Variants in KPNA6 observed in about 807,000 individuals in gnomAD.
The protein encoded by KPNA6 is karyopherin subunit alpha 6.
Under a neutral mutation model 72.0 loss-of-function variants are expected in KPNA6, and 9 were observed. The ratio of observed to expected loss-of-function variants is 0.13; its 90% confidence interval spans 0.08 to 0.22. The LOEUF is 0.22. KPNA6 is among the 10% of genes least tolerant of loss of function. The probability of loss-of-function intolerance (pLI) is 1.00; values close to 1 mark genes in which losing one functional copy is unlikely to be tolerated. For synonymous variants in KPNA6, 219 were observed against 242.1 expected (o/e 0.90, Z 0.89); for missense variants, 374 against 655.7 (o/e 0.57, Z 4.69).
chr1:32,143,807 A>T (rs1207870348), intron 1 of KPNA6, among the ~76,000 whole-genome samples: 1 of 151,920 alleles, frequency 6.6e-6, no homozygotes, highest in East Asian at 1.9e-4. Flanking sequence ...CTACTTTCTG[A>T]GTTTGACTCT....
chr1:32,167,295 A>C lies in KPNA6; in HGVS notation c.1243A>C (p.Arg415=). 6.2e-7 allele frequency: 1 copy of C among 1,614,058 alleles called. No homozygotes were observed. The highest frequency in any genetic ancestry group is 1.1e-5 in the South Asian group (1 of 91,078). ...ATSGGTPEQI[R]YLVSLGCIKP... Reference sequence around the variant, plus strand: ...ATCAGGAGGAACCCCTGAGCAGATCAGGTATTACATTCCTTTCCCGTTGTC... The same window carrying C: ...ATCAGGAGGAACCCCTGAGCAGATCCGGTATTACATTCCTTTCCCGTTGTC... Residue 415 remains arginine (R), a splice_region_variant and synonymous_variant, in exon 12 of 14, where the codon AGG becomes CGG. Coordinates refer to ENST00000373625, the MANE Select transcript of KPNA6 (RefSeq NM_012316.5).
At position 32,169,613 on chromosome 1, in the gene KPNA6, AT is replaced by A. The variant is rs77371621; in HGVS notation, c.1245-253del. ...AGGTGCCCGCCACCACACCTGGCCA[AT>A]TTTTTTTTTTTTTTTGTATTTTTTT... On this transcript the variant is annotated intron_variant, in intron 12 of 13. Coordinates refer to ENST00000373625, the MANE Select transcript of KPNA6 (RefSeq NM_012316.5). Among the ~76,000 whole-genome samples the A allele has an allele frequency of 9.0e-3, 1,164 of 129,674 alleles. 14 individuals carry two copies. Among genetic ancestry groups the A allele is most frequent in the Middle Eastern group, 0.036 (9 of 248 alleles). 85.1% of individuals were successfully genotyped at this position (129,674 alleles called of 152,430 possible). A position where few individuals can be genotyped will look rare whatever the true frequency, so the allele number is the denominator to read the frequency against.
intron 1 of KPNA6, chr1:32,142,883 A>C (rs1056725005): frequency 8.3e-7 from 1 of 1,199,224 alleles, no homozygotes; most frequent in East Asian, 5.9e-5. Context: ...GTCATAAGCA[A>C]ATATTTGTGA....
At chr1:32,169,755 C>T (rs372335439) in intron 12 of KPNA6, 127 bp from the exon 13 acceptor site, 51 of 819,172 alleles carry the variant, frequency 6.2e-5, no homozygotes, top group Admixed American at 1.8e-4. Flanking sequence ...CCACCGCGCT[C>T]GGCCTCACAA....
Position 32,159,415 on chromosome 1 carries a change from G to T in KPNA6, c.442G>T (p.Ala148Ser). ...TCACTTTCAGTTTGAAGCTGCCTGG[G>T]CTCTAACGAATATTGCCTCTGGAAC... ...NCTLQFEAAW[A>S]LTNIASGTSQ... Residue 148 changes from alanine to serine, a missense_variant, in exon 6 of 14, where the codon GCT (alanine) becomes TCT (serine). Ala to Ser is a moderately conservative substitution (Grantham distance 99, BLOSUM62 1). Around this residue, in one of 3 missense-constraint regions of KPNA6, gnomAD observed 298 missense variants for 495.4 expected, o/e 0.60. Transcript: ENST00000373625. The T allele has an allele frequency of 6.2e-7, 1 of 1,613,906 alleles. No individual in the cohort carries two copies. The highest frequency in any genetic ancestry group is 8.5e-7 in the Non-Finnish European group (1 of 1,179,940).
At chr1:32,111,571 G>C (rs1641243836) in intron 1 of KPNA6, among the ~76,000 whole-genome samples, 1 of 152,074 alleles carries the variant, frequency 6.6e-6, no homozygotes, top group East Asian at 1.9e-4. Flanking sequence ...AAGGTATCTT[G>C]GGTTATCTCC....
intron 1 of KPNA6, among the ~76,000 whole-genome samples, chr1:32,135,517 G>C (rs1045120598): frequency 2.1e-5 from 3 of 144,130 alleles, no homozygotes; most frequent in African/African-American, 7.7e-5. Flanking sequence ...TTTTTTTTTA[G>C]AGGCAGGGTC....
At chr1:32,166,677 C>T (rs979681666) in intron 11 of KPNA6, among the ~76,000 whole-genome samples, 3 of 147,716 alleles carry the variant, frequency 2.0e-5, no homozygotes, top group African/African-American at 7.5e-5. Flanking sequence ...TGCTTGTAAT[C>T]CCAGCACTTT....
At chr1:32,153,723 TGACACCCAG>T (rs1642082450) in intron 1 of KPNA6, among the ~76,000 whole-genome samples, 1 of 152,232 alleles carries the variant, frequency 6.6e-6, no homozygotes, top group Non-Finnish European at 1.5e-5. Context: ...AAATACTTTA[TGACACCCAG>T]TAGATTGTCA....
At chr1:32,160,513 A>T (rs1642218899) in intron 6 of KPNA6, 102 bp from the exon 7 acceptor site, 2 of 846,414 alleles carry the variant, frequency 2.4e-6, no homozygotes, top group Non-Finnish European at 4.0e-6. Context: ...GGGCCTTGAC[A>T]TCATTCTCAT....
At chr1:32,119,032 A>ATATTTTTT (rs1167325052) in intron 1 of KPNA6, among the ~76,000 whole-genome samples, 53 of 40,276 alleles carry the variant, frequency 1.3e-3, no homozygotes, top group African/African-American at 1.5e-3. Flanking sequence ...ATATATATAT[A>ATATTTTTT]TTTTTTTTTT....
rs116667234 is a variant in KPNA6, at chr1:32,151,032, A to G, written c.5-3556A>G. Among the ~76,000 whole-genome samples, 886 of 152,190 alleles carry G rather than the reference A, an allele frequency of 5.8e-3. 13 individuals are homozygous for G. Among genetic ancestry groups the G allele is most frequent in the African/African-American group, 0.021 (854 of 41,516 alleles). ...GAAGAACTCCTAGGTTCTTCAAGCT[A>G]TCCTCCCACCTCAGCCTTCCAAAGT... On this transcript the variant is annotated intron_variant, in intron 1 of 13. Coordinates refer to ENST00000373625, the MANE Select transcript of KPNA6 (RefSeq NM_012316.5).
intron 1 of KPNA6, among the ~76,000 whole-genome samples, chr1:32,133,334 A>G (rs1641674093): frequency 6.6e-6 from 1 of 151,542 alleles, no homozygotes; most frequent in Non-Finnish European, 1.5e-5. Context: ...ACAGAGCAAG[A>G]CCTTGTCTTA....
At chr1:32,170,673 C>T (rs759221172) in intron 13 of KPNA6, 34 bp from the exon 14 acceptor site, 6 of 1,587,930 alleles carry the variant, frequency 3.8e-6, no homozygotes, top group Non-Finnish European at 5.2e-6. Flanking sequence ...GAAAAGCACT[C>T]ACACTTCCCT....
intron 1 of KPNA6, among the ~76,000 whole-genome samples, chr1:32,138,756 C>G (rs955077860): frequency 1.3e-5 from 2 of 152,038 alleles, no homozygotes; most frequent in African/African-American, 4.8e-5. Flanking sequence ...TTACTAGAAT[C>G]ATGAATAGAG....
In KPNA6 at chr1:32,166,033, C is replaced by A. The variant is rs1474404861; in HGVS notation, c.991-72C>A. 498 of 1,409,262 alleles carry A rather than the reference C, an allele frequency of 3.5e-4. 2 individuals carry two copies. Among genetic ancestry groups the A allele is most frequent in the African/African-American group, 1.9e-3 (131 of 67,450 alleles). 87.3% of individuals were successfully genotyped at this position (1,409,262 alleles called of 1,614,324 possible). On this transcript the variant is annotated intron_variant, in intron 10 of 13. Coordinates refer to ENST00000373625, the MANE Select transcript of KPNA6 (RefSeq NM_012316.5). ...ACAAAAACAACAACAACAACAACAA[C>A]AACAAAAAAACATAAAAAAAATTAA... is the stretch of plus-strand genomic sequence containing the variant.
intron 1 of KPNA6, among the ~76,000 whole-genome samples, chr1:32,150,728 G>C (rs1161245954): frequency 6.6e-6 from 1 of 152,056 alleles, no homozygotes; most frequent in Non-Finnish European, 1.5e-5. Flanking sequence ...CCTGGTTCAA[G>C]TGATTCTCCT....
At position 32,173,498 on chromosome 1, in the gene KPNA6, A is replaced by C. The variant is rs1378574879; in HGVS notation, c.*2604A>C. The C allele has an allele frequency of 5.8e-6, 1 of 171,536 alleles. No individual in the cohort carries two copies. Among genetic ancestry groups the C allele is most frequent in the East Asian group, 1.4e-4 (1 of 6,980 alleles). 10.6% of individuals were successfully genotyped at this position (171,536 alleles called of 1,614,324 possible). On this transcript the variant is annotated 3_prime_UTR_variant, in exon 14 of 14. Coordinates refer to ENST00000373625, the MANE Select transcript of KPNA6 (RefSeq NM_012316.5). Reference sequence around the variant, plus strand: ...TGTGAGGATAGATTTCTAATCAGAGAAAAGTGGCCTCCAGGAGCTTTCATT... The same window carrying C: ...TGTGAGGATAGATTTCTAATCAGAGCAAAGTGGCCTCCAGGAGCTTTCATT...
At chr1:32,154,148 A>G (rs1177383860) in intron 1 of KPNA6, among the ~76,000 whole-genome samples, 2 of 150,298 alleles carry the variant, frequency 1.3e-5, no homozygotes, top group African/African-American at 2.4e-5. Context: ...CCCTGTCTCA[A>G]AAAAAAAAAA....
Sources: gnomAD v4.1 joint callset for allele counts (sites outside exome capture counted in the v4.1 genomes callset) on GRCh38, gnomAD v4.1.1 for gene constraint, gnomAD v4.1.1 regional missense constraint, MANE v1.5 for transcripts, NCBI Gene and HGNC (gene_info 2026-07-23, HGNC 2026-07-21) for gene names.